The following FOLH1 variants were observed in gnomAD, a reference collection of about 807,000 sequenced individuals.
FOLH1 encodes the protein folate hydrolase 1.
A neutral mutation model predicts 93.9 loss-of-function variants in FOLH1; 54 were observed. That is an observed-to-expected ratio of 0.57 (90% CI 0.46 to 0.72). The LOEUF is 0.72. FOLH1 is among the 30% of genes least tolerant of loss of function. The probability of loss-of-function intolerance (pLI) is 0.00; values close to 1 mark genes in which losing one functional copy is unlikely to be tolerated. For synonymous variants in FOLH1, 249 were observed against 303.6 expected (o/e 0.82, Z 1.87); for missense variants, 571 against 892.5 (o/e 0.64, Z 4.59).
Position 49,175,908 on chromosome 11 carries a change from T to A in FOLH1, c.970A>T (p.Lys324Ter). Residue 324 changes from lysine (K) to a stop codon, truncating the protein, a stop_gained, in exon 8 of 19, where the codon AAA (lysine) becomes TAA (stop). Transcript: ENST00000256999. LOFTEE classifies it high-confidence loss of function. ...PPDSSWRGSLKVPYNVGPGFT... is the reference protein window; with the variant it reads ...PPDSSWRGSL ...CCAGGTCCAACATTGTAGGGCACTT[T>A]GAGACTTCCTCTCCAGCTGCTATCT... 6.2e-7 allele frequency: 1 copy of A among 1,613,840 alleles called. No homozygotes were observed. Among genetic ancestry groups the A allele is most frequent in the Non-Finnish European group, 8.5e-7 (1 of 1,179,782 alleles).
At chr11:49,161,161 A>G (rs1857656087) in intron 13 of FOLH1, among the ~76,000 whole-genome samples, 1 of 152,152 alleles carries the variant, frequency 6.6e-6, no homozygotes, top group African/African-American at 2.4e-5. Flanking sequence ...TCCAGTACTC[A>G]GTTTAGGCCA....
intron 13 of FOLH1, 45 bp downstream of exon 13, chr11:49,164,660 C>T (rs775544619): frequency 2.8e-5 from 38 of 1,339,048 alleles, no homozygotes; most frequent in Non-Finnish European, 4.0e-5. Context: ...AAGAAAACAT[C>T]ATTTGTAGAA....
chr11:49,162,864 C>T (rs1003365232), intron 13 of FOLH1: 1 of 151,310 alleles, frequency 6.6e-6, no homozygotes, highest in Non-Finnish European at 1.5e-5. Flanking sequence ...CGACTCCAAT[C>T]GCTAGTTGCC....
intron 17 of FOLH1, among the ~76,000 whole-genome samples, chr11:49,149,460 T>A (rs1011394093): frequency 2.0e-5 from 3 of 152,168 alleles, no homozygotes; most frequent in Non-Finnish European, 4.4e-5. Context: ...TTAATCCCCC[T>A]TTCACATCTT....
chr11:49,152,751 C>A (rs61886481), intron 17 of FOLH1, among the ~76,000 whole-genome samples: 2 of 151,988 alleles, frequency 1.3e-5, no homozygotes, highest in Non-Finnish European at 2.9e-5. Context: ...TATTAATTTT[C>A]GTATTCTGAA....
intron 4 of FOLH1, among the ~76,000 whole-genome samples, chr11:49,191,106 C>T (rs1300120796): frequency 6.6e-6 from 1 of 151,914 alleles, no homozygotes; most frequent in Non-Finnish European, 1.5e-5. Context: ...CCACCTCCCG[C>T]GTTCACGCCA....
chr11:49,206,405 G>A (rs1863962473), intron 1 of FOLH1: 1 of 750,370 alleles, frequency 1.3e-6, no homozygotes, highest in African/African-American at 1.7e-5. Flanking sequence ...CAACTTCAAT[G>A]ATAGGTATTG....
At chr11:49,166,259 G>T (rs986533770) in intron 12 of FOLH1, among the ~76,000 whole-genome samples, 36 of 152,324 alleles carry the variant, frequency 2.4e-4, no homozygotes, top group Admixed American at 1.6e-3. Context: ...ACCTGTATAA[G>T]GTGGTGAGAG....
chr11:49,207,620 T>G (rs1864121440), intron 1 of FOLH1: 1 of 319,640 alleles, frequency 3.1e-6, no homozygotes, highest in Admixed American at 4.3e-5. Context: ...GCTATATTAT[T>G]TACTATTACC....
At chr11:49,159,027 T>A (rs1317575563) in intron 13 of FOLH1, among the ~76,000 whole-genome samples, 1 of 152,216 alleles carries the variant, frequency 6.6e-6, no homozygotes, top group African/African-American at 2.4e-5. Flanking sequence ...AAGGAGCTTT[T>A]GGGCTTTGAC....
Position 49,171,277 on chromosome 11 carries a change from C to T in FOLH1, c.1226G>A (p.Gly409Glu), listed in dbSNP as rs1859226854. The change falls in exon 11 of 19, where the codon GGG becomes GAG. Residue 409 changes from glycine (G) to glutamate (E), a missense_variant and splice_region_variant. Physicochemically the swap from Gly to Glu is moderately conservative, Grantham distance 98 (BLOSUM62 -2). This residue lies in a region of FOLH1 where 500 missense variants were observed against 822.9 expected (regional missense o/e 0.61). Coordinates refer to ENST00000256999, the MANE Select transcript of FOLH1 (RefSeq NM_004476.3). ...VRSFGTLKKE[G>E]WRPRRTILFA... ...CAAAATTGTTCTTCTAGGTCTCCAC[C>T]CTAAAATGTATGTGTATATATAAAT... 6.4e-7 allele frequency: 1 copy of T among 1,570,640 alleles called. No individual in the cohort carries two copies. The highest frequency in any genetic ancestry group is 8.6e-7 in the Non-Finnish European group (1 of 1,161,008).
At chr11:49,177,596 A>T (rs1860204615) in intron 7 of FOLH1, among the ~76,000 whole-genome samples, 1 of 152,116 alleles carries the variant, frequency 6.6e-6, no homozygotes, top group Non-Finnish European at 1.5e-5. Flanking sequence ...ATCGAGCTGC[A>T]AACATAGATT....
intron 2 of FOLH1, 121 bp downstream of exon 2, chr11:49,205,946 A>T: frequency 9.5e-7 from 1 of 1,055,324 alleles, no homozygotes; most frequent in Non-Finnish European, 1.3e-6. Context: ...GTGATCCAAG[A>T]TCTTTAATAA....
intron 13 of FOLH1, among the ~76,000 whole-genome samples, chr11:49,159,218 A>T (rs1173860284): frequency 6.6e-6 from 1 of 152,114 alleles, no homozygotes; most frequent in African/African-American, 2.4e-5. Context: ...GGTTTTGAAA[A>T]GGACTGCTTG....
intron 3 of FOLH1, among the ~76,000 whole-genome samples, chr11:49,196,311 A>G (rs1419878633): frequency 6.6e-6 from 1 of 152,232 alleles, no homozygotes; most frequent in Non-Finnish European, 1.5e-5. Flanking sequence ...TCATATTACA[A>G]CCAATAAAGA....
At chr11:49,199,363 C>T (rs1482758292) in intron 3 of FOLH1, among the ~76,000 whole-genome samples, 2 of 152,172 alleles carry the variant, frequency 1.3e-5, no homozygotes, top group East Asian at 3.8e-4. Flanking sequence ...ATTGTCTTCT[C>T]TTTCTCAAGT....
At chr11:49,189,922 C>T (rs972800529) in intron 4 of FOLH1, among the ~76,000 whole-genome samples, 1 of 152,136 alleles carries the variant, frequency 6.6e-6, no homozygotes, top group Non-Finnish European at 1.5e-5. Flanking sequence ...GGGAAACTGA[C>T]ATTTGAATCT....
intron 12 of FOLH1, among the ~76,000 whole-genome samples, chr11:49,165,440 G>A (rs935748763): frequency 1.4e-4 from 21 of 152,188 alleles, no homozygotes; most frequent in African/African-American, 4.3e-4. Context: ...CATTCCTCAG[G>A]AGGGGGCTGG....
chr11:49,186,522 G>C, intron 5 of FOLH1, 122 bp downstream of exon 5: 1 of 1,175,816 alleles, frequency 8.5e-7, no homozygotes, highest in Middle Eastern at 2.4e-4. Flanking sequence ...AGGTGGGCAT[G>C]TCACAGAATA....
Sources: gnomAD v4.1 joint callset for allele counts (sites outside exome capture counted in the v4.1 genomes callset) on GRCh38, gnomAD v4.1.1 for gene constraint, gnomAD v4.1.1 regional missense constraint, MANE v1.5 for transcripts, NCBI Gene and HGNC (gene_info 2026-07-23, HGNC 2026-07-21) for gene names.